The following PCYOX1 variants were observed in gnomAD, a reference collection of about 807,000 sequenced individuals.
The protein encoded by PCYOX1 is prenylcysteine lyase.
A neutral mutation model predicts 46.4 loss-of-function variants in PCYOX1; 46 were observed. The observed-to-expected ratio is 0.99, with a 90% CI of 0.78 to 1.27. PCYOX1 has a LOEUF of 1.27. PCYOX1 is among the 50% of genes most tolerant of loss of function. The pLI, the probability that PCYOX1 is intolerant of heterozygous loss-of-function variation, is 0.00. For missense variants in PCYOX1, 658 were observed against 628.3 expected (o/e 1.05, Z -0.51); for synonymous variants, 220 against 231.8 (o/e 0.95, Z 0.46).
In PCYOX1 at chr2:70,258,251, G is replaced by T; in HGVS notation, c.87G>T (p.Glu29Asp). ...LCSCGCPEGAELRAPPDKIAI... is the reference protein window; with the variant it reads ...LCSCGCPEGADLRAPPDKIAI... Reference sequence around the variant, plus strand: ...GCTGCGGATGCCCCGAGGGCGCCGAGCTGCGTGCTCCGCCAGATAAAATCG... The same window carrying T: ...GCTGCGGATGCCCCGAGGGCGCCGATCTGCGTGCTCCGCCAGATAAAATCG... The change falls in exon 1 of 6, where the codon GAG (glutamate) becomes GAT (aspartate). Residue 29 changes from glutamate to aspartate, a missense_variant. Transcript: ENST00000433351. 1 of 1,593,208 alleles carries T rather than the reference G, an allele frequency of 6.3e-7. No individual in the cohort carries two copies.
Position 70,279,712 on chromosome 2 carries a change from A to C in PCYOX1, c.*2320A>C, listed in dbSNP as rs1415097741. On this transcript the variant is annotated 3_prime_UTR_variant, in exon 6 of 6. Coordinates refer to ENST00000433351, the MANE Select transcript of PCYOX1 (RefSeq NM_016297.4). ...AGGCAGGAGAATTGCCTCAACCGGG[A>C]GGCGGAGGTTGCAGTGAGCCAAGAT... The C allele has an allele frequency of 6.6e-6, 1 of 152,068 alleles. No individual in the cohort carries two copies. The highest frequency in any genetic ancestry group is 2.4e-5 in the African/African-American group (1 of 41,350). 9.4% of individuals were successfully genotyped at this position (152,068 alleles called of 1,614,324 possible).
intron 2 of PCYOX1, among the ~76,000 whole-genome samples, 154 bp downstream of exon 2, chr2:70,259,720 T>G (rs17005436): frequency 0.02 from 3,066 of 151,554 alleles, 91 homozygotes; most frequent in African/African-American, 0.071. Flanking sequence ...TGGTACTGCC[T>G]GAGTTAGGAG....
intron 3 of PCYOX1, among the ~76,000 whole-genome samples, chr2:70,267,209 G>A (rs1423735538): frequency 1.3e-5 from 2 of 151,358 alleles, no homozygotes; most frequent in Non-Finnish European, 2.9e-5. Flanking sequence ...GGGCAGAGGC[G>A]CTCCCCACAT....
intron 4 of PCYOX1, 62 bp downstream of exon 4, chr2:70,275,232 G>C (rs924226136): frequency 7.4e-7 from 1 of 1,346,150 alleles, no homozygotes; most frequent in African/African-American, 1.4e-5. Flanking sequence ...CTGATGCTAT[G>C]GTGGTTCCTG....
At chr2:70,259,212 C>A in intron 1 of PCYOX1, 148 bp from the exon 2 acceptor site, 1 of 680,912 alleles carries the variant, frequency 1.5e-6, no homozygotes, top group Non-Finnish European at 2.6e-6. Flanking sequence ...GGAGTTAGAC[C>A]TTCGCTGCAG....
chr2:70,258,176 C>A lies in PCYOX1; in HGVS notation c.12C>A (p.Val4=), dbSNP rs764100554. The A allele has an allele frequency of 6.3e-7, 1 of 1,595,820 alleles. No individual in the cohort carries two copies. Residue 4 remains valine, a synonymous_variant, in exon 1 of 6, where the codon GTC becomes GTA. Transcript: ENST00000433351. ...AGCTTGTGGAGGCCATGGGGCGCGT[C>A]GTCGCGGAGCTCGTCTCCTCGCTGC... MGR[V]VAELVSSLLG...
chr2:70,276,581 C>T (rs994077167), intron 5 of PCYOX1, among the ~76,000 whole-genome samples, 153 bp from the exon 6 acceptor site: 2 of 151,980 alleles, frequency 1.3e-5, no homozygotes, highest in African/African-American at 4.8e-5. Context: ...AAATTGGCCT[C>T]AATGTAATAA....
intron 5 of PCYOX1, among the ~76,000 whole-genome samples, chr2:70,276,240 G>T (rs2104900725): frequency 6.6e-6 from 1 of 151,430 alleles, no homozygotes; most frequent in South Asian, 2.1e-4. Flanking sequence ...GCCTATCTCG[G>T]CTCACTGCAA....
intron 3 of PCYOX1, among the ~76,000 whole-genome samples, chr2:70,261,711 G>A (rs534725703): frequency 6.6e-6 from 1 of 152,120 alleles, no homozygotes; most frequent in Non-Finnish European, 1.5e-5. Flanking sequence ...AGAAGGTGGC[G>A]GTGTAGAGAG....
rs536123666 is a variant in PCYOX1, at chr2:70,270,872, A to G, written c.495-4087A>G. 6.6e-5 allele frequency among the ~76,000 whole-genome samples: 10 copies of G among 151,318 alleles called. No individual in the cohort carries two copies. In the South Asian group the frequency reaches 2.1e-3, roughly 32 times the overall value. ...TCGGCTCACCTTGGCTCACTGTGCC[A>G]CTGCACCACTACGCCCGGCTAATTT... On this transcript the variant is annotated intron_variant, in intron 3 of 5. Coordinates refer to ENST00000433351, the MANE Select transcript of PCYOX1 (RefSeq NM_016297.4).
intron 4 of PCYOX1, 28 bp from the exon 5 acceptor site, chr2:70,275,486 T>A (rs1559037699): frequency 4.3e-6 from 7 of 1,610,832 alleles, no homozygotes; most frequent in African/African-American, 1.3e-5. Context: ...AAGTCAGAAT[T>A]AAAACACATT....
chr2:70,272,726 T>A (rs574623937), intron 3 of PCYOX1, among the ~76,000 whole-genome samples: 1 of 151,932 alleles, frequency 6.6e-6, no homozygotes, highest in Non-Finnish European at 1.5e-5. Context: ...TGAGATGGAG[T>A]CTTGCTCTGT....
At chr2:70,271,633 T>A (rs1696602064) in intron 3 of PCYOX1, among the ~76,000 whole-genome samples, 1 of 152,044 alleles carries the variant, frequency 6.6e-6, no homozygotes, top group Non-Finnish European at 1.5e-5. Flanking sequence ...ATCTTGTCAT[T>A]ACAACAACTG....
chr2:70,268,303 T>G (rs1227363286), intron 3 of PCYOX1, among the ~76,000 whole-genome samples: 1 of 152,156 alleles, frequency 6.6e-6, no homozygotes, highest in Non-Finnish European at 1.5e-5. Context: ...CTTCAGTGGC[T>G]ATTTCATTAA....
At chr2:70,260,461 T>A (rs945905196) in intron 2 of PCYOX1, among the ~76,000 whole-genome samples, 1 of 152,168 alleles carries the variant, frequency 6.6e-6, no homozygotes, top group Non-Finnish European at 1.5e-5. Context: ...GGAGGATCCC[T>A]TGAGCCTGGG....
Position 70,278,944 on chromosome 2 carries a change from A to G in PCYOX1, c.*1552A>G, listed in dbSNP as rs2104903030. ...ACCCCATCTCTACAAAAAATTTTTAAAAAGTTGGCCAGGCATGGTAATGCG... is the reference window on the plus strand; with the variant it reads ...ACCCCATCTCTACAAAAAATTTTTAGAAAGTTGGCCAGGCATGGTAATGCG... On this transcript the variant is annotated 3_prime_UTR_variant, in exon 6 of 6. Coordinates refer to ENST00000433351, the MANE Select transcript of PCYOX1 (RefSeq NM_016297.4). The G allele has an allele frequency of 6.6e-6, 1 of 152,220 alleles. No individual in the cohort carries two copies. The highest frequency in any genetic ancestry group is 1.9e-4 in the East Asian group (1 of 5,182). 9.4% of individuals were successfully genotyped at this position (152,220 alleles called of 1,614,324 possible).
At chr2:70,274,597 T>G (rs1279858839) in intron 3 of PCYOX1, among the ~76,000 whole-genome samples, 1 of 149,642 alleles carries the variant, frequency 6.7e-6, no homozygotes, top group African/African-American at 2.5e-5. Context: ...ACACTGTCAC[T>G]GTCTGGCCCA....
chr2:70,266,055 G>A (rs538534108), intron 3 of PCYOX1, among the ~76,000 whole-genome samples: 2 of 152,220 alleles, frequency 1.3e-5, no homozygotes, highest in Non-Finnish European at 2.9e-5. Context: ...TCCTATTATA[G>A]GCTGAATAAT....
rs1559033018 is a variant in PCYOX1 at position 70,259,500 on chromosome 2, T to A, written c.253T>A (p.Tyr85Asn). Reference sequence around the variant, plus strand: ...TACCATGATGGTGCAGGGGCAAGAATACGAGGCAGGAGGTTCTGTCATCCA... The same window carrying A: ...TACCATGATGGTGCAGGGGCAAGAAAACGAGGCAGGAGGTTCTGTCATCCA... ...LATMMVQGQEYEAGGSVIHPL... is the reference protein window; with the variant it reads ...LATMMVQGQENEAGGSVIHPL... Residue 85 changes from tyrosine to asparagine, a missense_variant, in exon 2 of 6, where the codon TAC becomes AAC. Coordinates refer to ENST00000433351, the MANE Select transcript of PCYOX1 (RefSeq NM_016297.4). 6.2e-7 allele frequency: 1 copy of A among 1,614,108 alleles called. No homozygotes were observed. Among genetic ancestry groups the A allele is most frequent in the Non-Finnish European group, 8.5e-7 (1 of 1,180,000 alleles).
Sources: allele counts gnomAD v4.1 joint callset (sites outside exome capture counted in the v4.1 genomes callset), GRCh38; gene constraint gnomAD v4.1.1; transcripts MANE v1.5; gene names NCBI Gene and HGNC (gene_info 2026-07-23, HGNC 2026-07-21).